Variants in IP6K1 observed in about 807,000 individuals in gnomAD.
The protein encoded by IP6K1 is inositol hexakisphosphate kinase 1.
In IP6K1, 13 loss-of-function variants were observed where a neutral mutation model predicts 38.3. The ratio of observed to expected loss-of-function variants is 0.34; its 90% CI spans 0.22 to 0.54. The LOEUF is 0.54. Among genes scored for constraint, IP6K1 ranks in the 20% least tolerant of loss-of-function variants. The pLI is 0.92. For missense variants in IP6K1, 397 were observed against 599.8 expected, an observed-to-expected ratio of 0.66 and a Z score of 3.53; for synonymous variants, 212 against 229.9, an observed-to-expected ratio of 0.92 and a Z score of 0.70.
chr3:49,746,456 G>A (rs1234762342), intron 2 of IP6K1, among the ~76,000 whole-genome samples: 1 of 149,106 alleles, frequency 6.7e-6, no homozygotes, highest in Non-Finnish European at 1.5e-5. Context: ...CGGATCACAA[G>A]GTCAGGAGAT....
intron 1 of IP6K1, among the ~76,000 whole-genome samples, chr3:49,774,793 T>C (rs973384293): frequency 4.6e-5 from 7 of 152,202 alleles, no homozygotes; most frequent in African/African-American, 1.4e-4. Context: ...ATAAAGTCAT[T>C]GTGTACACTG....
chr3:49,766,958 CAAAAAAAAAAAAAAAAA>C (rs144308874), intron 1 of IP6K1, among the ~76,000 whole-genome samples: 2 of 55,418 alleles, frequency 3.6e-5, no homozygotes, highest in South Asian at 2.1e-3. Flanking sequence ...GACTCCGTCT[CAAAAAAAAAAAAAAAAA>C]AAAAAAAAAA....
chr3:49,729,552 A>G (rs1007857446), intron 4 of IP6K1, among the ~76,000 whole-genome samples: 2 of 150,756 alleles, frequency 1.3e-5, no homozygotes, highest in Non-Finnish European at 3.0e-5. Context: ...GATTACAGGC[A>G]TGTGCCACCA....
At chr3:49,778,728 C>T (rs1575330352) in intron 1 of IP6K1, among the ~76,000 whole-genome samples, 1 of 152,110 alleles carries the variant, frequency 6.6e-6, no homozygotes, top group Non-Finnish European at 1.5e-5. Flanking sequence ...CAGACACAAG[C>T]GATCCTCCCA....
intron 1 of IP6K1, among the ~76,000 whole-genome samples, chr3:49,759,078 A>T (rs868190182): frequency 1.1e-4 from 4 of 37,166 alleles, no homozygotes; most frequent in Non-Finnish European, 1.2e-4. Context: ...TAAACAATTA[A>T]AAAAAAAATA....
intron 2 of IP6K1, among the ~76,000 whole-genome samples, chr3:49,743,189 T>A (rs2108232708): frequency 6.6e-6 from 1 of 151,612 alleles, no homozygotes; most frequent in African/African-American, 2.4e-5. Flanking sequence ...CACTGCACTC[T>A]AGCCTAGGCA....
At chr3:49,763,295 C>T (rs1157516888) in intron 1 of IP6K1, among the ~76,000 whole-genome samples, 2 of 151,108 alleles carry the variant, frequency 1.3e-5, no homozygotes, top group African/African-American at 2.4e-5. Context: ...TTAGTAGAGA[C>T]GGGGTTTCGC....
At chr3:49,751,663 T>C (rs570896260) in intron 1 of IP6K1, among the ~76,000 whole-genome samples, 2 of 152,338 alleles carry the variant, frequency 1.3e-5, no homozygotes, top group South Asian at 4.1e-4. Context: ...CAAGAGGTTA[T>C]GGGGTTCCAT....
At chr3:49,745,260 A>G (rs2080710130) in intron 2 of IP6K1, among the ~76,000 whole-genome samples, 1 of 152,242 alleles carries the variant, frequency 6.6e-6, no homozygotes, top group Admixed American at 6.5e-5. Context: ...TCAGGGAAGA[A>G]GTGTCTGGGG....
chr3:49,766,226 G>C (rs879562322), intron 1 of IP6K1, among the ~76,000 whole-genome samples: 23 of 152,070 alleles, frequency 1.5e-4, no homozygotes, highest in Admixed American at 7.9e-4. Context: ...TTCGCTGGGT[G>C]TGGTGGCAGA....
At chr3:49,784,240 G>A (rs996808324) in intron 1 of IP6K1, among the ~76,000 whole-genome samples, 9 of 151,762 alleles carry the variant, frequency 5.9e-5, no homozygotes, top group African/African-American at 1.2e-4. Context: ...CAGGTGATCC[G>A]CCCGCCTCAG....
chr3:49,731,072 G>C (rs2080557818), intron 4 of IP6K1, among the ~76,000 whole-genome samples: 1 of 150,730 alleles, frequency 6.6e-6, no homozygotes, highest in African/African-American at 2.4e-5. Flanking sequence ...TCGTTCACTG[G>C]TTTCAAATTT....
At chr3:49,761,580 C>T (rs1001847753) in intron 1 of IP6K1, among the ~76,000 whole-genome samples, 1 of 148,358 alleles carries the variant, frequency 6.7e-6, no homozygotes, top group African/African-American at 2.5e-5. Context: ...TGCCACTGCA[C>T]TCCAGCCTGG....
In IP6K1 at chr3:49,728,209, G is replaced by A. The variant is rs2080527135; in HGVS notation, c.686C>T (p.Thr229Met). 1 of 1,614,002 alleles carries A rather than the reference G, an allele frequency of 6.2e-7. No homozygotes were observed. The highest frequency in any genetic ancestry group is 8.5e-7 in the Non-Finnish European group (1 of 1,180,038). Residue 229 changes from threonine (T) to methionine (M), a missense_variant, in exon 5 of 6, where the codon ACG (threonine) becomes ATG (methionine). Thr to Met is a moderately conservative substitution (Grantham distance 81). Coordinates refer to ENST00000321599, the MANE Select transcript of IP6K1 (RefSeq NM_153273.4). ...TGACGCGTCATCGCCATGCTGCCGCGTGCCCATCTTCAGGTCCAACACGCA... is the reference window on the plus strand; with the variant it reads ...TGACGCGTCATCGCCATGCTGCCGCATGCCCATCTTCAGGTCCAACACGCA... Reference protein sequence around the residue: ...YPCVLDLKMGTRQHGDDASAE... With the variant: ...YPCVLDLKMGMRQHGDDASAE...
chr3:49,737,813 G>A (rs2080626013), intron 3 of IP6K1, among the ~76,000 whole-genome samples: 1 of 152,180 alleles, frequency 6.6e-6, no homozygotes, highest in South Asian at 2.1e-4. Flanking sequence ...AAACCATTAG[G>A]GAACTCCTGG....
intron 1 of IP6K1, among the ~76,000 whole-genome samples, chr3:49,767,538 C>A (rs1368005620): frequency 6.6e-6 from 1 of 151,990 alleles, no homozygotes; most frequent in Non-Finnish European, 1.5e-5. Context: ...GAGATCACGC[C>A]ACTGCACTCC....
intron 3 of IP6K1, among the ~76,000 whole-genome samples, chr3:49,737,633 G>A (rs1389805373): frequency 6.6e-6 from 1 of 152,180 alleles, no homozygotes; most frequent in South Asian, 2.1e-4. Context: ...TTGCAGTGAC[G>A]CAAGATGGCA....
At chr3:49,774,207 A>G (rs2080985449) in intron 1 of IP6K1, among the ~76,000 whole-genome samples, 1 of 151,912 alleles carries the variant, frequency 6.6e-6, no homozygotes, top group South Asian at 2.1e-4. Context: ...AGGATCGAGA[A>G]CATCCTGGCT....
rs1367519926 is a variant in IP6K1 at position 49,727,596 on chromosome 3, G to A, written c.852C>T (p.Leu284=). ...LCRNKYYGRG[L]SIEGFRNALY... is the part of the protein sequence containing the mutation. ...GGGCATTGCGGAAGCCTTCAATGGA[G>A]AGCCCACGGCCATAGTACTTGTTCC... Residue 284 remains leucine, a synonymous_variant, in exon 6 of 6, where the codon CTC becomes CTT. Transcript: ENST00000321599. The surrounding 1 kb of genome is among the most constrained non-coding windows in gnomAD (Gnocchi z 5.9). 2 of 1,614,194 alleles carry A rather than the reference G, an allele frequency of 1.2e-6. No homozygotes were observed. The highest frequency in any genetic ancestry group is 2.2e-5 in the East Asian group (1 of 44,886).
Sources: allele counts gnomAD v4.1 joint callset (sites outside exome capture counted in the v4.1 genomes callset), GRCh38; gene constraint gnomAD v4.1.1; non-coding constraint Gnocchi (gnomAD v3.1); transcripts MANE v1.5; gene names NCBI Gene and HGNC (gene_info 2026-07-23, HGNC 2026-07-21).